Variants in USP6NL observed in about 807,000 individuals in gnomAD.
USP6NL encodes the protein USP6 N-terminal-like protein.
Under a neutral mutation model 61.9 loss-of-function variants are expected in USP6NL, and 26 were observed. That is an observed-to-expected ratio of 0.42 (90% CI 0.31 to 0.58). USP6NL has a LOEUF of 0.58. Ranked by LOEUF, USP6NL falls within the 20% of genes least tolerant of loss-of-function variation. USP6NL has a pLI of 0.16. For synonymous variants in USP6NL, 432 were observed against 390.1 expected (o/e 1.11, Z -1.27); for missense variants, 1,114 against 1,034.3 (o/e 1.08, Z -1.06).
At chr10:11,497,310 C>T (rs1833974942) in intron 7 of USP6NL, among the ~76,000 whole-genome samples, 1 of 149,776 alleles carries the variant, frequency 6.7e-6, no homozygotes, top group Admixed American at 6.7e-5. Context: ...ACTCAGGAGG[C>T]TGAGGCAGGA....
intron 14 of USP6NL, among the ~76,000 whole-genome samples, chr10:11,464,352 G>T (rs1231680809): frequency 1.3e-5 from 2 of 152,202 alleles, no homozygotes; most frequent in Non-Finnish European, 2.9e-5. Flanking sequence ...CTAATGGCTG[G>T]TACTCACTAG....
At chr10:11,517,307 A>G (rs774143322) in intron 5 of USP6NL, among the ~76,000 whole-genome samples, 1 of 152,180 alleles carries the variant, frequency 6.6e-6, no homozygotes, top group Admixed American at 6.5e-5. Context: ...GCATTTACCA[A>G]CTTCTCACTA....
intron 1 of USP6NL, among the ~76,000 whole-genome samples, chr10:11,603,837 T>C (rs1302246074): frequency 2.6e-5 from 4 of 151,966 alleles, no homozygotes; most frequent in African/African-American, 9.7e-5. Flanking sequence ...CTGTACTGAG[T>C]GAAAATCGGA....
At chr10:11,557,277 T>C (rs1021557890) in intron 2 of USP6NL, among the ~76,000 whole-genome samples, 4 of 152,026 alleles carry the variant, frequency 2.6e-5, no homozygotes, top group Non-Finnish European at 5.9e-5. Flanking sequence ...TCCTTAGTAA[T>C]AGAAAGGATT....
At chr10:11,544,644 C>T (rs544409457) in intron 2 of USP6NL, among the ~76,000 whole-genome samples, 1 of 152,282 alleles carries the variant, frequency 6.6e-6, no homozygotes, top group Non-Finnish European at 1.5e-5. Flanking sequence ...CCTGCCACCA[C>T]ACCTGGCCAA....
At chr10:11,599,999 A>C (rs1169102079) in intron 1 of USP6NL, among the ~76,000 whole-genome samples, 1 of 152,080 alleles carries the variant, frequency 6.6e-6, no homozygotes, top group Non-Finnish European at 1.5e-5. Flanking sequence ...ACCAATTGTT[A>C]TATGGAACAA....
At position 11,528,485 on chromosome 10, in the gene USP6NL, A is replaced by G. The variant is rs1451420924; in HGVS notation, c.5-918T>C. Among the ~76,000 whole-genome samples the G allele has an allele frequency of 6.6e-6, 1 of 152,122 alleles. No individual in the cohort carries two copies. Among genetic ancestry groups the G allele is most frequent in the Non-Finnish European group, 1.5e-5 (1 of 68,012 alleles). On this transcript the variant is annotated intron_variant, in intron 2 of 14. Transcript: ENST00000609104. The surrounding 1 kb of genome is among the most constrained non-coding windows in gnomAD (Gnocchi z 4.6). ...AATAAGCACTTTACCCTGCCTTACCACATGACACTCTAAGGTAGGCATCAT... is the reference window on the plus strand; with the variant it reads ...AATAAGCACTTTACCCTGCCTTACCGCATGACACTCTAAGGTAGGCATCAT...
chr10:11,608,289 G>A (rs1370324105), intron 1 of USP6NL, among the ~76,000 whole-genome samples: 1 of 152,206 alleles, frequency 6.6e-6, no homozygotes, highest in South Asian at 2.1e-4. Flanking sequence ...GTCACTCCCA[G>A]GTCTGGTATG....
rs1834715501 is a variant in USP6NL at position 11,511,566 on chromosome 10, C to G, written c.196-1891G>C. Among the ~76,000 whole-genome samples the G allele has an allele frequency of 6.6e-6, 1 of 152,180 alleles. No individual in the cohort carries two copies. Among genetic ancestry groups the G allele is most frequent in the Non-Finnish European group, 1.5e-5 (1 of 68,032 alleles). ...ATAACAACATACACTTTGCCAGGAA[C>G]AACCCTGCTGAGATCTAGCAGGTCT... On this transcript the variant is annotated intron_variant, in intron 5 of 14. Transcript: ENST00000609104. This position sits in a 1 kb window ranked among gnomAD's most constrained non-coding sequence, Gnocchi z 4.9.
intron 2 of USP6NL, chr10:11,563,482 A>G (rs984192322): frequency 2.0e-5 from 3 of 152,130 alleles, no homozygotes; most frequent in Non-Finnish European, 2.9e-5. Flanking sequence ...AAATCTGAAT[A>G]AAGTCTGTGG....
At chr10:11,594,098 A>G (rs1200551100) in intron 2 of USP6NL, among the ~76,000 whole-genome samples, 2 of 152,174 alleles carry the variant, frequency 1.3e-5, no homozygotes, top group Admixed American at 6.5e-5. Flanking sequence ...CCACATATCC[A>G]TAATTTTTTT....
chr10:11,593,361 T>C (rs1392342094), intron 2 of USP6NL, among the ~76,000 whole-genome samples: 1 of 152,202 alleles, frequency 6.6e-6, no homozygotes, highest in African/African-American at 2.4e-5. Flanking sequence ...TTTTAAAATA[T>C]ATTCTACCAA....
rs1164911801 is a variant in USP6NL at position 11,548,808 on chromosome 10, T to C, written c.5-21241A>G. Among the ~76,000 whole-genome samples the C allele has an allele frequency of 1.3e-5, 2 of 152,228 alleles. No individual in the cohort carries two copies. Among genetic ancestry groups the C allele is most frequent in the Admixed American group, 1.3e-4 (2 of 15,292 alleles). On this transcript the variant is annotated intron_variant, in intron 2 of 14. Coordinates refer to ENST00000609104, the MANE Select transcript of USP6NL (RefSeq NM_014688.5). This position sits in a 1 kb window ranked among gnomAD's most constrained non-coding sequence, Gnocchi z 4.3. Reference sequence around the variant, plus strand: ...TAGGATCATAGAAGACATGTATACCTTTCTAACACTCAAATAAAACTTATC... The same window carrying C: ...TAGGATCATAGAAGACATGTATACCCTTCTAACACTCAAATAAAACTTATC...
chr10:11,597,809 A>C lies in USP6NL; in HGVS notation c.-83-92T>G, dbSNP rs1838379452. On this transcript the variant is annotated intron_variant, in intron 1 of 14. Transcript: ENST00000609104. The surrounding 1 kb of genome is among the most constrained non-coding windows in gnomAD (Gnocchi z 4.6). ...TAAAGAAAATCATTTTGTTTCAAAA[A>C]TATTCTACTATTTCCAAAAAGAACT... 1 of 569,398 alleles carries C rather than the reference A, an allele frequency of 1.8e-6. No homozygotes were observed. The highest frequency in any genetic ancestry group is 2.6e-5 in the South Asian group (1 of 38,498). 35.3% of individuals were successfully genotyped at this position (569,398 alleles called of 1,614,324 possible).
intron 2 of USP6NL, among the ~76,000 whole-genome samples, chr10:11,577,541 G>A (rs1837596309): frequency 6.6e-6 from 1 of 151,792 alleles, no homozygotes; most frequent in Admixed American, 6.6e-5. Context: ...CGCTCTGTCA[G>A]CCAAGCCGGA....
At chr10:11,501,801 T>C (rs1221603164) in intron 6 of USP6NL, among the ~76,000 whole-genome samples, 1 of 152,222 alleles carries the variant, frequency 6.6e-6, no homozygotes, top group Non-Finnish European at 1.5e-5. Flanking sequence ...TCCCCTCCCC[T>C]GCCCTTTCTC....
In USP6NL at chr10:11,474,027, C is replaced by G. The variant is rs974693905; in HGVS notation, c.1078+7743G>C. On this transcript the variant is annotated intron_variant, in intron 14 of 14. Coordinates refer to ENST00000609104, the MANE Select transcript of USP6NL (RefSeq NM_014688.5). This position sits in a 1 kb window ranked among gnomAD's most constrained non-coding sequence, Gnocchi z 4.9. ...TCGAGATAATAAAGGCGGTGCCACC[C>G]GATGGAACTCACCTGGAGTTCCAGC... 6.6e-6 allele frequency among the ~76,000 whole-genome samples: 1 copy of G among 152,008 alleles called. No individual in the cohort carries two copies. The highest frequency in any genetic ancestry group is 1.5e-5 in the Non-Finnish European group (1 of 68,006).
At chr10:11,573,722 T>A (rs1837442142) in intron 2 of USP6NL, 1 of 398,612 alleles carries the variant, frequency 2.5e-6, no homozygotes, top group East Asian at 3.6e-5. Flanking sequence ...CCTCTAGAAA[T>A]CCAACAGGTT....
At position 11,462,548 on chromosome 10, in the gene USP6NL, C is replaced by T. The variant is rs764513668; in HGVS notation, c.2380G>A (p.Ala794Thr). The change falls in exon 15 of 15, where the codon GCA becomes ACA. Residue 794 changes from alanine to threonine, a missense_variant. Physicochemically the swap from Ala to Thr is moderately conservative, Grantham distance 58. Transcript: ENST00000609104. ...SPVRYKASPA[A>T]EDASPSGYPY... ...TATCCAGATGGACTGGCATCTTCTG[C>T]GGCCGGTGAAGCTTTATATCTCACG... 5.6e-6 allele frequency: 9 copies of T among 1,613,992 alleles called. No individual in the cohort carries two copies. In the East Asian group the frequency reaches 1.8e-4, roughly 32 times the overall value.
Sources: allele counts gnomAD v4.1 joint callset (sites outside exome capture counted in the v4.1 genomes callset), GRCh38; gene constraint gnomAD v4.1.1; non-coding constraint Gnocchi (gnomAD v3.1); transcripts MANE v1.5; gene names NCBI Gene and HGNC (gene_info 2026-07-23, HGNC 2026-07-21).